The following PREX1 variants were observed in gnomAD, a reference collection of about 807,000 sequenced individuals.
PREX1 encodes the protein phosphatidylinositol 3,4,5-trisphosphate-dependent Rac exchanger 1 protein.
PREX1 carries 41 observed loss-of-function variants against 198.3 expected under a neutral mutation model. The observed-to-expected ratio is 0.21, with a 90% CI of 0.16 to 0.27. PREX1 has a LOEUF of 0.27. Ranked by LOEUF, PREX1 falls within the 10% of genes least tolerant of loss-of-function variation. The pLI, the probability that PREX1 is intolerant of heterozygous loss-of-function variation, is 1.00. For synonymous variants in PREX1, 843 were observed against 887.2 expected, an observed-to-expected ratio of 0.95 and a Z score of 0.89; for missense variants, 1,620 against 2,200.7, an observed-to-expected ratio of 0.74 and a Z score of 5.28.
intron 1 of PREX1, among the ~76,000 whole-genome samples, chr20:48,759,938 CCAA>C (rs2090171960): frequency 6.6e-6 from 1 of 152,012 alleles, no homozygotes; most frequent in Non-Finnish European, 1.5e-5. Context: ...CTCATCTCTA[CCAA>C]AAATACAAAC....
In PREX1 at chr20:48,658,157, G is replaced by A. The variant is rs1275605788; in HGVS notation, c.1953C>T (p.Val651=). The A allele has an allele frequency of 1.9e-6, 3 of 1,614,148 alleles. No homozygotes were observed. Among genetic ancestry groups the A allele is most frequent in the East Asian group, 2.2e-5 (1 of 44,882 alleles). Residue 651 remains valine, a synonymous_variant, in exon 17 of 40, where the codon GTC becomes GTT. Coordinates refer to ENST00000371941, the MANE Select transcript of PREX1 (RefSeq NM_020820.4). Reference sequence around the variant, plus strand: ...TCACCTCAGCCAGCGAGCCCCTCTGGACGGACTTCACCACCACAGCCTTGT... The same window carrying A: ...TCACCTCAGCCAGCGAGCCCCTCTGAACGGACTTCACCACCACAGCCTTGT... ...EKNKAVVVKS[V]QRGSLAEVAG...
At chr20:48,651,799 C>T (rs999343385) in intron 21 of PREX1, among the ~76,000 whole-genome samples, 9 of 152,228 alleles carry the variant, frequency 5.9e-5, no homozygotes, top group Non-Finnish European at 1.0e-4. Flanking sequence ...CCATCCAAGG[C>T]CTGGCCCTGA....
In PREX1 at chr20:48,710,630, CT is replaced by C. The variant is rs34323753; in HGVS notation, c.622-2210del. 2.0e-3 allele frequency among the ~76,000 whole-genome samples: 300 copies of C among 152,358 alleles called. 5 individuals are homozygous for C. The highest frequency in any genetic ancestry group is 0.018 in the Admixed American group (275 of 15,300). Reference sequence around the variant, plus strand: ...CTCTAAATCCCCGTGCTATTTACGACTTTTCAGACAGTTAAGTACAAATACT... The same window carrying C: ...CTCTAAATCCCCGTGCTATTTACGACTTTCAGACAGTTAAGTACAAATACT... On this transcript the variant is annotated intron_variant, in intron 5 of 39. Coordinates refer to ENST00000371941, the MANE Select transcript of PREX1 (RefSeq NM_020820.4).
At chr20:48,665,746 C>G (rs1428780712) in intron 15 of PREX1, among the ~76,000 whole-genome samples, 1 of 152,202 alleles carries the variant, frequency 6.6e-6, no homozygotes, top group Admixed American at 6.5e-5. Context: ...GGAGCCACTT[C>G]GTCCTCCTTC....
chr20:48,778,050 C>T (rs1255833492), intron 1 of PREX1, among the ~76,000 whole-genome samples: 1 of 152,150 alleles, frequency 6.6e-6, no homozygotes, highest in Non-Finnish European at 1.5e-5. Flanking sequence ...AGACATCCAT[C>T]TAAAGGGTAA....
intron 11 of PREX1, 47 bp from the exon 12 acceptor site, chr20:48,679,801 C>T: frequency 6.8e-7 from 1 of 1,476,632 alleles, no homozygotes; most frequent in Non-Finnish European, 9.5e-7. Context: ...CCCCTCAGCC[C>T]CTCCCAGCCA....
At chr20:48,712,696 G>A (rs562656613) in intron 5 of PREX1, among the ~76,000 whole-genome samples, 60 of 152,286 alleles carry the variant, frequency 3.9e-4, no homozygotes, top group African/African-American at 6.5e-4. Flanking sequence ...GACCAAAACC[G>A]CAGGGGAAGT....
At chr20:48,736,094 G>C (rs1455695373) in intron 3 of PREX1, among the ~76,000 whole-genome samples, 1 of 152,200 alleles carries the variant, frequency 6.6e-6, no homozygotes, top group Non-Finnish European at 1.5e-5. Flanking sequence ...TAGGATGCTG[G>C]AGGATGAAAT....
At chr20:48,651,286 G>A (rs1765370282) in intron 22 of PREX1, 110 bp downstream of exon 22, 1 of 1,444,898 alleles carries the variant, frequency 6.9e-7, no homozygotes, top group Non-Finnish European at 9.2e-7. Context: ...GGCTAAGCCT[G>A]AGGAAATGGG....
intron 25 of PREX1, among the ~76,000 whole-genome samples, chr20:48,646,625 G>A (rs2089452987): frequency 6.7e-6 from 1 of 149,798 alleles, no homozygotes; most frequent in African/African-American, 2.5e-5. Flanking sequence ...GGAGGCGGAG[G>A]TTGAAGTGAG....
At chr20:48,707,782 G>A (rs1170900656) in intron 6 of PREX1, among the ~76,000 whole-genome samples, 1 of 152,150 alleles carries the variant, frequency 6.6e-6, no homozygotes, top group Non-Finnish European at 1.5e-5. Context: ...CATTTATTGA[G>A]TACCTACTAT....
Position 48,692,746 on chromosome 20 carries a change from T to A in PREX1, c.962A>T (p.Asn321Ile). Residue 321 changes from asparagine (N) to isoleucine (I), a missense_variant, in exon 8 of 40, where the codon AAC becomes ATC. By Grantham distance (149) the Asn-to-Ile change is moderately radical. This residue lies in a region of PREX1 where 488 missense variants were observed against 802.5 expected (regional missense o/e 0.61). Coordinates refer to ENST00000371941, the MANE Select transcript of PREX1 (RefSeq NM_020820.4). Reference sequence around the variant, plus strand: ...ACCCCTGAAGATGTAGAGGGAGCCGTTGATGGATTTGGTCCTCTTGGTGGA... The same window carrying A: ...ACCCCTGAAGATGTAGAGGGAGCCGATGATGGATTTGGTCCTCTTGGTGGA... ...KKSTKRTKSI[N>I]GSLYIFRGRI... 1 of 1,613,984 alleles carries A rather than the reference T, an allele frequency of 6.2e-7. No homozygotes were observed.
intron 32 of PREX1, among the ~76,000 whole-genome samples, 168 bp downstream of exon 32, chr20:48,636,295 G>C (rs956095324): frequency 6.6e-6 from 1 of 152,234 alleles, no homozygotes; most frequent in African/African-American, 2.4e-5. Context: ...GTTCACTGCT[G>C]GACCTTCAGT....
At chr20:48,820,289 A>G (rs1238025592) in intron 1 of PREX1, among the ~76,000 whole-genome samples, 1 of 152,206 alleles carries the variant, frequency 6.6e-6, no homozygotes, top group Non-Finnish European at 1.5e-5. Flanking sequence ...GCCCGCACAC[A>G]GTCACTGTAC....
chr20:48,660,182 A>T, intron 15 of PREX1, 121 bp from the exon 16 acceptor site: 1 of 1,206,850 alleles, frequency 8.3e-7, no homozygotes, highest in African/African-American at 1.5e-5. Flanking sequence ...GGCAAACACT[A>T]TTCTATTAAA....
At position 48,649,539 on chromosome 20, in the gene PREX1, G is replaced by A; in HGVS notation, c.3066C>T (p.Ile1022=). Reference sequence around the variant, plus strand: ...TCCAGGAGGGAGCAGCCATGGTGGTGATGCAGTGCTGGGTGTACGACATGG... The same window carrying A: ...TCCAGGAGGGAGCAGCCATGGTGGTAATGCAGTGCTGGGTGTACGACATGG... ...LNPMSYTQHC[I]TTMAAPSWKC... The change falls in exon 25 of 40, where the codon ATC becomes ATT. Residue 1022 remains isoleucine (I), a synonymous_variant. Transcript: ENST00000371941. The A allele has an allele frequency of 6.2e-7, 1 of 1,610,802 alleles. No individual in the cohort carries two copies. Among genetic ancestry groups the A allele is most frequent in the Non-Finnish European group, 8.5e-7 (1 of 1,178,310 alleles).
intron 1 of PREX1, among the ~76,000 whole-genome samples, chr20:48,789,884 G>C (rs1171552139): frequency 1.3e-5 from 2 of 152,130 alleles, no homozygotes; most frequent in African/African-American, 4.8e-5. Context: ...TGGGGAGATG[G>C]ATGGGTGATG....
At chr20:48,636,747 C>T (rs2089368571) in intron 31 of PREX1, 64 bp from the exon 32 acceptor site, 21 of 1,440,896 alleles carry the variant, frequency 1.5e-5, no homozygotes, top group Non-Finnish European at 2.0e-5. Flanking sequence ...AGGCCCACCC[C>T]CCAAAACCCT....
chr20:48,685,511 T>G (rs1405821875), intron 10 of PREX1, among the ~76,000 whole-genome samples: 3 of 152,214 alleles, frequency 2.0e-5, no homozygotes, highest in Non-Finnish European at 2.9e-5. Context: ...TTATCTCCCT[T>G]TAACTGATCG....
Sources: allele counts gnomAD v4.1 joint callset (sites outside exome capture counted in the v4.1 genomes callset), GRCh38; gene constraint gnomAD v4.1.1; regional missense constraint gnomAD v4.1.1; transcripts MANE v1.5; gene names NCBI Gene and HGNC (gene_info 2026-07-23, HGNC 2026-07-21).